Variants in FRMD4A observed in about 807,000 individuals in gnomAD.
FRMD4A encodes FERM domain-containing protein 4A.
In FRMD4A, 29 loss-of-function variants were observed where a neutral mutation model predicts 129.1. That is an observed-to-expected ratio of 0.22 (90% confidence interval 0.17 to 0.31). FRMD4A has a LOEUF of 0.31. FRMD4A is among the 10% of genes least tolerant of loss of function. FRMD4A has a pLI of 1.00. For synonymous variants in FRMD4A, 634 were observed against 571.6 expected (o/e 1.11, Z -1.56); for missense variants, 1,272 against 1,375.8 (o/e 0.92, Z 1.19).
At chr10:13,723,274 G>A (rs2089609552) in intron 12 of FRMD4A, among the ~76,000 whole-genome samples, 1 of 152,190 alleles carries the variant, frequency 6.6e-6, no homozygotes, top group South Asian at 2.1e-4. Flanking sequence ...ACCCTGGTTT[G>A]TTTGATATCA....
rs74931679 is a variant in FRMD4A at position 14,191,061 on chromosome 10, T to G, written c.45+138997A>C. On this transcript the variant is annotated intron_variant, in intron 2 of 24. Coordinates refer to ENST00000357447, the MANE Select transcript of FRMD4A (RefSeq NM_018027.5). ...TCTTTTATCTCACAGGTGGAGAGAG[T>G]TTTAGTGTCGCAGTGAGAGGTTTCT... is the stretch of plus-strand genomic sequence containing the variant. Among the ~76,000 whole-genome samples, 1,256 of 152,186 alleles carry G rather than the reference T, an allele frequency of 8.3e-3. 16 individuals carry two copies. Among genetic ancestry groups the G allele is most frequent in the African/African-American group, 0.028 (1,183 of 41,520 alleles).
rs747299123 is a variant in FRMD4A at position 13,692,140 on chromosome 10, C to CTTTTTTTTTTTTTTTTTTTT, written c.1117+1738_1117+1757dup. ...CTTGAAGCTTATAAAATTTTAGCAGCTTTTTTTTTTTTTTTTTTTTTTTTT... is the reference window on the plus strand; with the variant it reads ...CTTGAAGCTTATAAAATTTTAGCAGCTTTTTTTTTTTTTTTTTTTTTTTTTTTTTTTTTTTTTTTTTTTTT... On this transcript the variant is annotated intron_variant, in intron 15 of 24. Transcript: ENST00000357447. 4.2e-4 allele frequency: 42 copies of CTTTTTTTTTTTTTTTTTTTT among 100,484 alleles called. 20 individuals carry two copies. The highest frequency in any genetic ancestry group is 4.5e-4 in the Non-Finnish European group (24 of 52,780). 6.2% of individuals were successfully genotyped at this position (100,484 alleles called of 1,614,324 possible).
chr10:14,168,047 A>C (rs538373967), intron 2 of FRMD4A, among the ~76,000 whole-genome samples: 1 of 152,282 alleles, frequency 6.6e-6, no homozygotes, highest in Non-Finnish European at 1.5e-5. Context: ...ACTTTTAAAC[A>C]CAATCTCAGG....
At chr10:14,258,230 A>G (rs916724487) in intron 2 of FRMD4A, among the ~76,000 whole-genome samples, 1 of 151,262 alleles carries the variant, frequency 6.6e-6, no homozygotes, top group African/African-American at 2.4e-5. Context: ...ATTATATTAC[A>G]TAATATTATT....
intron 2 of FRMD4A, among the ~76,000 whole-genome samples, chr10:14,164,002 C>T (rs894850160): frequency 6.6e-6 from 1 of 152,212 alleles, no homozygotes; most frequent in African/African-American, 2.4e-5. Context: ...CTAGATGAGG[C>T]CAATGGCCCG....
intron 5 of FRMD4A, among the ~76,000 whole-genome samples, chr10:13,790,824 C>A (rs1220088715): frequency 6.6e-6 from 1 of 151,946 alleles, no homozygotes; most frequent in East Asian, 1.9e-4. Flanking sequence ...GAAGGGGTAG[C>A]AGAGGGCACT....
intron 2 of FRMD4A, among the ~76,000 whole-genome samples, chr10:14,137,077 C>T (rs1839576593): frequency 6.6e-6 from 1 of 152,246 alleles, no homozygotes; most frequent in Non-Finnish European, 1.5e-5. Context: ...TGAGGCAAAG[C>T]CAACAAGAGT....
chr10:13,654,121 G>C (rs2081927317), intron 23 of FRMD4A: 1 of 528,942 alleles, frequency 1.9e-6, no homozygotes, highest in Non-Finnish European at 3.3e-6. Context: ...ATGAAATGCT[G>C]TCTGGAAATC....
At chr10:13,795,617 G>GT (rs1443675557) in intron 5 of FRMD4A, among the ~76,000 whole-genome samples, 6 of 152,206 alleles carry the variant, frequency 3.9e-5, no homozygotes, top group Admixed American at 1.3e-4. Context: ...TGGCATGGGT[G>GT]TAAGTGTTAG....
intron 6 of FRMD4A, among the ~76,000 whole-genome samples, chr10:13,763,367 C>A (rs17153958): frequency 6.6e-6 from 1 of 152,146 alleles, no homozygotes; most frequent in East Asian, 1.9e-4. Flanking sequence ...AGGAATGTTA[C>A]AGTGGGATTG....
chr10:14,258,765 T>C (rs967222447), intron 2 of FRMD4A, among the ~76,000 whole-genome samples: 7 of 152,184 alleles, frequency 4.6e-5, no homozygotes, highest in Non-Finnish European at 7.4e-5. Context: ...AGAAAACAAC[T>C]CAAATTTCCA....
At chr10:13,776,836 C>T (rs1004471232) in intron 6 of FRMD4A, among the ~76,000 whole-genome samples, 1 of 152,198 alleles carries the variant, frequency 6.6e-6, no homozygotes, top group African/African-American at 2.4e-5. Context: ...TCTAACACTA[C>T]CCTCTGGGCT....
chr10:14,324,864 T>A (rs1843207718), intron 2 of FRMD4A, among the ~76,000 whole-genome samples: 1 of 152,196 alleles, frequency 6.6e-6, no homozygotes, highest in African/African-American at 2.4e-5. Flanking sequence ...TTTCACCATG[T>A]TGGCCAAGCT....
intron 2 of FRMD4A, among the ~76,000 whole-genome samples, chr10:13,872,185 G>A (rs112791894): frequency 5.0e-4 from 76 of 152,314 alleles, no homozygotes; most frequent in Middle Eastern, 3.4e-3. Context: ...AGGAAGGCCC[G>A]GGGGCGCTGC....
intron 15 of FRMD4A, 161 bp downstream of exon 15, chr10:13,693,737 C>A (rs891764781): frequency 3.0e-5 from 23 of 767,110 alleles, no homozygotes; most frequent in Non-Finnish European, 4.4e-5. Flanking sequence ...GCAGTTTTCT[C>A]AGATTCGCAT....
intron 9 of FRMD4A, among the ~76,000 whole-genome samples, chr10:13,746,825 CATT>C (rs1488408826): frequency 1.3e-5 from 2 of 152,190 alleles, no homozygotes; most frequent in Non-Finnish European, 2.9e-5. Flanking sequence ...GATTTCAAAA[CATT>C]ATCCAGGAAT....
At chr10:14,326,094 C>T (rs760339943) in intron 2 of FRMD4A, 3 of 152,086 alleles carry the variant, frequency 2.0e-5, no homozygotes, top group African/African-American at 4.8e-5. Flanking sequence ...AGAATAGAAC[C>T]TTGAAAAAAT....
intron 16 of FRMD4A, among the ~76,000 whole-genome samples, chr10:13,672,847 G>A (rs1438368247): frequency 6.6e-6 from 1 of 152,192 alleles, no homozygotes; most frequent in African/African-American, 2.4e-5. Flanking sequence ...CATGCGTCAA[G>A]AGGCTATGGT....
intron 2 of FRMD4A, among the ~76,000 whole-genome samples, chr10:14,002,188 C>T (rs2095645150): frequency 6.6e-6 from 1 of 152,112 alleles, no homozygotes; most frequent in Non-Finnish European, 1.5e-5. Context: ...AACCCTTTCA[C>T]CTAAAGTATT....
Sources: gnomAD v4.1 joint callset for allele counts (sites outside exome capture counted in the v4.1 genomes callset) on GRCh38, gnomAD v4.1.1 for gene constraint, MANE v1.5 for transcripts, NCBI Gene and HGNC (gene_info 2026-07-23, HGNC 2026-07-21) for gene names.